NAV2: variants seen among roughly 807,000 people sequenced by gnomAD.
NAV2 encodes helicase, APC down-regulated 1.
A neutral mutation model predicts 223.2 loss-of-function variants in NAV2; 54 were observed. That is an observed-to-expected ratio of 0.24 (90% confidence interval 0.19 to 0.30). The LOEUF is 0.30. NAV2 is among the 10% of genes least tolerant of loss of function. NAV2 has a pLI of 1.00. For synonymous variants in NAV2, 1,279 were observed against 1,239.3 expected (o/e 1.03, Z -0.67); for missense variants, 2,806 against 3,147.5 (o/e 0.89, Z 2.60).
At chr11:19,826,012 A>G (rs1241173111) in intron 1 of NAV2, among the ~76,000 whole-genome samples, 1 of 152,152 alleles carries the variant, frequency 6.6e-6, no homozygotes, top group Non-Finnish European at 1.5e-5. Flanking sequence ...TTTTGGTTAG[A>G]AGGGATGGGC....
At chr11:19,471,987 C>T (rs758518279) in intron 1 of NAV2, among the ~76,000 whole-genome samples, 5 of 152,208 alleles carry the variant, frequency 3.3e-5, no homozygotes, top group South Asian at 2.1e-4. Flanking sequence ...CAAGGGATAA[C>T]GTGTACTTAT....
intron 36 of NAV2, among the ~76,000 whole-genome samples, chr11:20,110,353 C>G: frequency 6.6e-6 from 1 of 152,204 alleles, no homozygotes; most frequent in East Asian, 1.9e-4. Context: ...CCTGCGGAAG[C>G]TTGCTGTGTT....
intron 1 of NAV2, among the ~76,000 whole-genome samples, chr11:19,793,206 CAAAAAAAAAAAA>C (rs557365857): frequency 4.5e-4 from 26 of 58,282 alleles, no homozygotes; most frequent in Non-Finnish European, 7.8e-4. Flanking sequence ...CACTCTGTCT[CAAAAAAAAAAAA>C]AAAAAAAAAA....
intron 1 of NAV2, among the ~76,000 whole-genome samples, chr11:19,643,806 C>T (rs2047735865): frequency 6.6e-6 from 1 of 152,200 alleles, no homozygotes; most frequent in African/African-American, 2.4e-5. Context: ...TCCTATTTCT[C>T]CACATCCTCT....
Position 20,044,917 on chromosome 11 carries a change from G to A in NAV2, c.3200-51G>A, listed in dbSNP as rs528911477. 392 of 1,485,324 alleles carry A rather than the reference G, an allele frequency of 2.6e-4. 2 individuals carry two copies. The South Asian group carries it at 4.9e-3, about 18-fold the overall frequency. 92.0% of individuals were successfully genotyped at this position (1,485,324 alleles called of 1,614,324 possible). On this transcript the variant is annotated intron_variant, in intron 13 of 37. Coordinates refer to ENST00000349880, the MANE Select transcript of NAV2 (RefSeq NM_145117.5). ...GGAGAGCATCTTAAACAGACGAGATGGATGAGCTGGCTCTTGGCTTGCAGG... is the reference window on the plus strand; with the variant it reads ...GGAGAGCATCTTAAACAGACGAGATAGATGAGCTGGCTCTTGGCTTGCAGG...
At chr11:19,899,218 A>G (rs545992478) in intron 6 of NAV2, among the ~76,000 whole-genome samples, 3 of 152,316 alleles carry the variant, frequency 2.0e-5, no homozygotes, top group South Asian at 4.1e-4. Flanking sequence ...TGAGCAGAAG[A>G]GAAGAGCCAG....
chr11:19,377,880 G>A (rs898936086), intron 1 of NAV2, among the ~76,000 whole-genome samples: 1 of 152,282 alleles, frequency 6.6e-6, no homozygotes, highest in African/African-American at 2.4e-5. Context: ...GTTGGAGTAA[G>A]CTGAAGGAGA....
At position 19,920,339 on chromosome 11, in the gene NAV2, C is replaced by T. The variant is rs137950255; in HGVS notation, c.932-12837C>T. ...AGTCTCCCTCTTCACCCAGACTGGA[C>T]TGCAGTGGCTCAATCTCAGCTCACT... On this transcript the variant is annotated intron_variant, in intron 6 of 37. Transcript: ENST00000349880. Among the ~76,000 whole-genome samples, 617 of 152,296 alleles carry T rather than the reference C, an allele frequency of 4.1e-3. 4 individuals carry two copies. The highest frequency in any genetic ancestry group is 3.8e-3 in the Non-Finnish European group (258 of 68,018).
intron 1 of NAV2, among the ~76,000 whole-genome samples, chr11:19,510,516 G>T (rs1479869823): frequency 6.6e-6 from 1 of 152,212 alleles, no homozygotes; most frequent in African/African-American, 2.4e-5. Context: ...GATCCTAGCA[G>T]ATGCCTCACA....
At chr11:20,081,299 T>G (rs1330858127) in intron 25 of NAV2, among the ~76,000 whole-genome samples, 3 of 152,262 alleles carry the variant, frequency 2.0e-5, no homozygotes, top group Non-Finnish European at 4.4e-5. Flanking sequence ...ATAGGATTAA[T>G]TCATATTGCT....
chr11:19,918,273 G>C (rs1258005114), intron 6 of NAV2, among the ~76,000 whole-genome samples: 1 of 152,206 alleles, frequency 6.6e-6, no homozygotes, highest in Non-Finnish European at 1.5e-5. Flanking sequence ...GCTGGAGAAA[G>C]TTTGCCATTT....
intron 1 of NAV2, among the ~76,000 whole-genome samples, chr11:19,464,684 G>A (rs1564958020): frequency 6.6e-6 from 1 of 152,214 alleles, no homozygotes; most frequent in Non-Finnish European, 1.5e-5. Context: ...GGCTCTGTCT[G>A]TTCTCATCTG....
chr11:19,968,674 C>T (rs879332458), intron 10 of NAV2, among the ~76,000 whole-genome samples: 5 of 152,138 alleles, frequency 3.3e-5, no homozygotes, highest in Admixed American at 2.6e-4. Context: ...AGCGTTTGAA[C>T]AAGTTAAAGA....
At chr11:19,770,205 C>T (rs2055595900) in intron 1 of NAV2, among the ~76,000 whole-genome samples, 1 of 152,074 alleles carries the variant, frequency 6.6e-6, no homozygotes, top group Non-Finnish European at 1.5e-5. Context: ...CAATAGCTAT[C>T]CATATTTCTG....
At chr11:20,047,586 T>A (rs562649663) in intron 14 of NAV2, among the ~76,000 whole-genome samples, 1 of 152,210 alleles carries the variant, frequency 6.6e-6, no homozygotes, top group South Asian at 2.1e-4. Flanking sequence ...AGTAACGAGG[T>A]CCCTGTCATC....
intron 1 of NAV2, among the ~76,000 whole-genome samples, chr11:19,582,136 T>C (rs138304947): frequency 0.085 from 13,009 of 152,310 alleles, 1,823 homozygotes; most frequent in African/African-American, 0.3. Context: ...CATTTTTTCA[T>C]GTGTTTTTTG....
At chr11:20,043,953 G>A in intron 12 of NAV2, 28 bp from the exon 13 acceptor site, 1 of 1,600,990 alleles carries the variant, frequency 6.2e-7, no homozygotes. Context: ...ACTGGGGAAG[G>A]ACTAATTCAG....
intron 1 of NAV2, among the ~76,000 whole-genome samples, chr11:19,776,577 G>GGGGTGTGTGT (rs371411356): frequency 8.6e-6 from 1 of 116,122 alleles, no homozygotes; most frequent in Non-Finnish European, 1.8e-5. Context: ...CTGGGGCAGG[G>GGGGTGTGTGT]GTGTGTGTGT....
chr11:19,426,750 C>T (rs1850846748), intron 1 of NAV2, among the ~76,000 whole-genome samples: 1 of 152,032 alleles, frequency 6.6e-6, no homozygotes, highest in Non-Finnish European at 1.5e-5. Flanking sequence ...ACTCCTCCCA[C>T]AACTGCTGTT....
Sources: gnomAD v4.1 joint callset for allele counts (sites outside exome capture counted in the v4.1 genomes callset) on GRCh38, gnomAD v4.1.1 for gene constraint, MANE v1.5 for transcripts, NCBI Gene and HGNC (gene_info 2026-07-23, HGNC 2026-07-21) for gene names.